Variants in NLRP1 observed in about 807,000 individuals in gnomAD.
NLRP1 encodes NACHT, LRR and PYD domains-containing protein 1.
In NLRP1, 94 loss-of-function variants were observed where a neutral mutation model predicts 136.7. That is an observed-to-expected ratio of 0.69 (90% CI 0.58 to 0.82). The LOEUF (loss-of-function observed/expected upper bound fraction) is 0.82. Among genes scored for constraint, NLRP1 ranks in the 40% least tolerant of loss-of-function variants. NLRP1 has a pLI of 0.00. For synonymous variants in NLRP1, 690 were observed against 725.1 expected (o/e 0.95, Z 0.78); for missense variants, 1,575 against 1,802.7 (o/e 0.87, Z 2.29).
downstream of NLRP1, chr17:5,511,951 G>T: frequency 2.3e-6 from 1 of 434,966 alleles, no homozygotes; most frequent in Admixed American, 3.5e-5. Context: ...TATAGTCCTG[G>T]CTACAAGGGA....
At chr17:5,517,451 G>A (rs1014318605) in intron 15 of NLRP1, among the ~76,000 whole-genome samples, 11 of 150,516 alleles carry the variant, frequency 7.3e-5, no homozygotes, top group South Asian at 2.1e-4. Flanking sequence ...GCAGTGGTGC[G>A]ATCTCAGCTC....
chr17:5,523,092 G>C (rs1909095304), intron 12 of NLRP1, among the ~76,000 whole-genome samples: 1 of 152,220 alleles, frequency 6.6e-6, no homozygotes, highest in Admixed American at 6.5e-5. Context: ...AACAGATGCA[G>C]AGAGAGAGAA....
Position 5,584,247 on chromosome 17 carries a change from T to C in NLRP1, c.-290A>G. ...CAGGGCCAGGCAGGGAGGGTGAGGG[T>C]GAGGGGAGATGTGGTGACGGGAGAT... On this transcript the variant is annotated 5_prime_UTR_variant, in exon 1 of 17. Coordinates refer to ENST00000572272, the MANE Select transcript of NLRP1 (RefSeq NM_033004.4). The C allele has an allele frequency of 2.0e-6, 1 of 500,150 alleles. No homozygotes were observed. The highest frequency in any genetic ancestry group is 3.6e-6 in the Non-Finnish European group (1 of 277,214). The allele number at this position is 500,150 out of a possible 1,614,324, so 31.0% of individuals were successfully genotyped here.
At chr17:5,540,512 C>T (rs1230364048) in intron 6 of NLRP1, among the ~76,000 whole-genome samples, 1 of 152,068 alleles carries the variant, frequency 6.6e-6, no homozygotes, top group African/African-American at 2.4e-5. Flanking sequence ...CAAAGCATTC[C>T]AGGGCCTTCG....
chr17:5,548,683 C>T (rs1912969698), intron 5 of NLRP1, among the ~76,000 whole-genome samples: 1 of 152,194 alleles, frequency 6.6e-6, no homozygotes, highest in Non-Finnish European at 1.5e-5. Context: ...ACATAAGGTA[C>T]TTCTGCTGAG....
chr17:5,509,206 C>G (rs551077271), downstream of NLRP1, among the ~76,000 whole-genome samples: 18 of 152,232 alleles, frequency 1.2e-4, no homozygotes, highest in Non-Finnish European at 2.2e-4. Flanking sequence ...CTTTCCTCTT[C>G]TTCTCCTATT....
Position 5,520,904 on chromosome 17 carries a change from C to T in NLRP1, c.3892G>A (p.Gly1298Arg), listed in dbSNP as rs2151741686. ...ACCTTGGGGAGTATTTCCAGCATCC[C>T]TGAACCAGACCCAGACACAGTGTAA... Reference protein sequence around the residue: ...CRYTVSGSGSGMLEILPKELE... With the variant: ...CRYTVSGSGSRMLEILPKELE... The change falls in exon 14 of 17, where the codon GGG (glycine) becomes AGG (arginine). Residue 1298 changes from glycine to arginine, a missense_variant. Gly to Arg is a moderately radical substitution (Grantham distance 125). Transcript: ENST00000572272. The T allele has an allele frequency of 1.2e-6, 2 of 1,608,342 alleles. No homozygotes were observed. The highest frequency in any genetic ancestry group is 1.7e-4 in the Middle Eastern group (1 of 6,034).
intron 15 of NLRP1, among the ~76,000 whole-genome samples, chr17:5,517,358 C>CG (rs1567630305): frequency 1.1e-4 from 10 of 91,454 alleles, no homozygotes; most frequent in East Asian, 2.3e-4. Flanking sequence ...GCACCCCCCC[C>CG]CCTCCCACAT....
Position 5,539,604 on chromosome 17 carries a change from C to T in NLRP1, c.2700-19G>A, listed in dbSNP as rs7223362. ...GACCAGCCTGCAGGAAAGATACACG[C>T]CAGCCCAGGTCATTGTCCTAAGGGC... On this transcript the variant is annotated intron_variant, in intron 6 of 16. Coordinates refer to ENST00000572272, the MANE Select transcript of NLRP1 (RefSeq NM_033004.4). The T allele has an allele frequency of 0.047, 74,145 of 1,591,626 alleles. 1,929 individuals are homozygous for T. Among genetic ancestry groups the T allele is most frequent in the Middle Eastern group, 0.08 (474 of 5,960 alleles).
chr17:5,512,032 A>T (rs1212389455), downstream of NLRP1: 2 of 626,052 alleles, frequency 3.2e-6, no homozygotes, highest in Non-Finnish European at 5.9e-6. Flanking sequence ...TGACAGTACT[A>T]GTTGTTATCA....
chr17:5,516,653 T>C (rs1908160592), intron 15 of NLRP1, among the ~76,000 whole-genome samples: 1 of 152,232 alleles, frequency 6.6e-6, no homozygotes, highest in South Asian at 2.1e-4. Context: ...AAATTAGTCA[T>C]TATGATCCTC....
downstream of NLRP1, among the ~76,000 whole-genome samples, chr17:5,510,471 TGCCTCA>T (rs1907568581): frequency 6.6e-6 from 1 of 152,032 alleles, no homozygotes; most frequent in Non-Finnish European, 1.5e-5. Flanking sequence ...GCAATTCTGC[TGCCTCA>T]GCCTCCCGAG....
intron 15 of NLRP1, 48 bp from the exon 16 acceptor site, chr17:5,515,565 T>C (rs759657054): frequency 1.4e-6 from 2 of 1,415,398 alleles, no homozygotes; most frequent in South Asian, 2.3e-5. Flanking sequence ...TGCTAAGTTA[T>C]TAACACACAT....
intron 4 of NLRP1, among the ~76,000 whole-genome samples, 174 bp from the exon 5 acceptor site, chr17:5,553,730 A>G (rs1203872268): frequency 6.6e-6 from 1 of 152,098 alleles, no homozygotes; most frequent in African/African-American, 2.4e-5. Flanking sequence ...ACCCAGGGCT[A>G]GGTCCCTCTC....
At chr17:5,566,810 CTAA>C (rs1205617217) in intron 3 of NLRP1, among the ~76,000 whole-genome samples, 1 of 152,108 alleles carries the variant, frequency 6.6e-6, no homozygotes, top group Non-Finnish European at 1.5e-5. Flanking sequence ...CTCTTTAGCT[CTAA>C]TAATATTTCC....
In NLRP1 at chr17:5,584,460, A is replaced by C. The variant is rs1407272196; in HGVS notation, c.-503T>G. On this transcript the variant is annotated 5_prime_UTR_variant, in exon 1 of 17. Coordinates refer to ENST00000572272, the MANE Select transcript of NLRP1 (RefSeq NM_033004.4). ...GCTGCTGGCTCCCAGGTTTCTTCAG[A>C]CCTCTCCAGGCCCTGGGGCACCAGC... 2 of 161,818 alleles carry C rather than the reference A, an allele frequency of 1.2e-5. No individual in the cohort carries two copies. The highest frequency in any genetic ancestry group is 1.4e-5 in the Non-Finnish European group (1 of 73,648). The allele number at this position is 161,818 out of a possible 1,614,324, so 10.0% of individuals were successfully genotyped here. A position where few individuals can be genotyped will look rare whatever the true frequency, so the allele number is the denominator to read the frequency against.
Position 5,583,531 on chromosome 17 carries a change from G to C in NLRP1, c.271+156C>G, listed in dbSNP as rs1267949981. ...CAGCAAGCCTCCTGGCTCCAGCATA[G>C]TCTGGGGCCTGGATCCCCCTTTGAG... On this transcript the variant is annotated intron_variant, in intron 1 of 16. Transcript: ENST00000572272. This position sits in a 1 kb window ranked among gnomAD's most constrained non-coding sequence, Gnocchi z 4.5. Among the ~76,000 whole-genome samples, 3 of 152,166 alleles carry C rather than the reference G, an allele frequency of 2.0e-5. No individual in the cohort carries two copies. The highest frequency in any genetic ancestry group is 7.2e-5 in the African/African-American group (3 of 41,444).
At chr17:5,567,747 G>C (rs1290922033) in intron 3 of NLRP1, among the ~76,000 whole-genome samples, 1 of 152,066 alleles carries the variant, frequency 6.6e-6, no homozygotes, top group Admixed American at 6.6e-5. Flanking sequence ...TGTAGGATGG[G>C]TTTGGTATTG....
chr17:5,501,744 C>A, exon 16 of NLRP1: 2 of 1,294,154 alleles, frequency 1.5e-6, no homozygotes, highest in South Asian at 2.4e-5. Flanking sequence ...CACCTGCGGT[C>A]TACTCAGGCC....
Sources: gnomAD v4.1 joint callset for allele counts (sites outside exome capture counted in the v4.1 genomes callset) on GRCh38, gnomAD v4.1.1 for gene constraint, Gnocchi (gnomAD v3.1) non-coding constraint, MANE v1.5 for transcripts, NCBI Gene and HGNC (gene_info 2026-07-23, HGNC 2026-07-21) for gene names.